The following KCNAB1 variants were observed in gnomAD, a reference collection of about 807,000 sequenced individuals.
KCNAB1 encodes the protein potassium voltage-gated channel subfamily A regulatory beta subunit 1, also known as voltage-gated potassium channel subunit beta-1.
KCNAB1 carries 35 observed loss-of-function variants against 64.6 expected under a neutral mutation model. The ratio of observed to expected loss-of-function variants is 0.54; its 90% confidence interval spans 0.41 to 0.72. The LOEUF is 0.72. Ranked by LOEUF, KCNAB1 falls within the 30% of genes least tolerant of loss-of-function variation. KCNAB1 has a pLI of 0.00. For synonymous variants in KCNAB1, 177 were observed against 183.8 expected (o/e 0.96, Z 0.30); for missense variants, 401 against 512.9 (o/e 0.78, Z 2.11).
intron 2 of KCNAB1, among the ~76,000 whole-genome samples, chr3:156,426,838 T>G (rs1715857159): frequency 6.6e-6 from 1 of 152,212 alleles, no homozygotes; most frequent in South Asian, 2.1e-4. Flanking sequence ...ATACTACATT[T>G]TGGAAAAAAA....
chr3:156,492,976 T>C (rs546952625), intron 8 of KCNAB1, among the ~76,000 whole-genome samples: 2 of 152,286 alleles, frequency 1.3e-5, no homozygotes, highest in South Asian at 4.1e-4. Context: ...ATTGACTCTT[T>C]AAATACTGTG....
chr3:156,340,634 G>A (rs13323310), intron 1 of KCNAB1, among the ~76,000 whole-genome samples: 16,768 of 152,212 alleles, frequency 0.11, 2,938 homozygotes, highest in African/African-American at 0.37. Flanking sequence ...CAGATGGTCT[G>A]TCTTTCCTGC....
intron 8 of KCNAB1, among the ~76,000 whole-genome samples, chr3:156,488,961 C>T (rs1008773633): frequency 1.3e-5 from 2 of 152,108 alleles, no homozygotes; most frequent in African/African-American, 2.4e-5. Context: ...AGGCCTGAGT[C>T]ACCAAAAGGA....
chr3:156,447,362 G>A (rs552421357), intron 2 of KCNAB1, among the ~76,000 whole-genome samples: 3 of 151,488 alleles, frequency 2.0e-5, no homozygotes, highest in South Asian at 2.1e-4. Context: ...TCTGTTTCAC[G>A]ATGGGAGAAA....
intron 3 of KCNAB1, 50 bp from the exon 4 acceptor site, chr3:156,457,403 G>A (rs1294604964): frequency 1.9e-6 from 3 of 1,612,080 alleles, no homozygotes; most frequent in Non-Finnish European, 2.5e-6. Context: ...GTTGCTTCCA[G>A]GTTTGGAAAG....
At chr3:156,408,615 G>A (rs894910696) in intron 1 of KCNAB1, among the ~76,000 whole-genome samples, 5 of 152,020 alleles carry the variant, frequency 3.3e-5, no homozygotes, top group African/African-American at 9.6e-5. Flanking sequence ...CCCCTTCTCA[G>A]CTAAAAATAC....
intron 1 of KCNAB1, among the ~76,000 whole-genome samples, chr3:156,276,772 T>A (rs574111532): frequency 2.0e-5 from 3 of 152,338 alleles, no homozygotes; most frequent in Middle Eastern, 3.4e-3. Flanking sequence ...TGCTCTGGAT[T>A]GTGCTTTTTA....
rs374392311 is a variant in KCNAB1 at position 156,120,592 on chromosome 3, T to C, written c.-20T>C. 6.2e-7 allele frequency: 1 copy of C among 1,612,944 alleles called. No individual in the cohort carries two copies. The highest frequency in any genetic ancestry group is 1.3e-5 in the African/African-American group (1 of 74,808). On this transcript the variant is annotated 5_prime_UTR_variant, in exon 1 of 14. Coordinates refer to ENST00000490337, the MANE Select transcript of KCNAB1 (RefSeq NM_172160.3). ...ACTTTGATGACAGTGACTTCCAGTC[T>C]TCTCTGAAAGATCTCCACGATGCTG...
chr3:156,282,860 C>G (rs548957790), intron 1 of KCNAB1, among the ~76,000 whole-genome samples: 156 of 151,240 alleles, frequency 1.0e-3, no homozygotes, highest in Middle Eastern at 3.4e-3. Flanking sequence ...CTATGTGTGT[C>G]TCTGCACGTG....
intron 3 of KCNAB1, among the ~76,000 whole-genome samples, chr3:156,453,888 C>T (rs1712197521): frequency 6.6e-6 from 1 of 152,192 alleles, no homozygotes; most frequent in South Asian, 2.1e-4. Context: ...CTCTAATCAG[C>T]AGGATGGTGG....
At chr3:156,507,337 G>T (rs1236244503) in intron 8 of KCNAB1, among the ~76,000 whole-genome samples, 1 of 152,136 alleles carries the variant, frequency 6.6e-6, no homozygotes, top group African/African-American at 2.4e-5. Context: ...AAAGGTTAGT[G>T]ACTGTGATGG....
At chr3:156,524,140 TCTTA>T (rs1170567821) in intron 12 of KCNAB1, 193 bp downstream of exon 12, 6 of 537,144 alleles carry the variant, frequency 1.1e-5, no homozygotes, top group Non-Finnish European at 1.9e-5. Context: ...AGCAAATTTT[TCTTA>T]CTTCTTTCTC....
intron 1 of KCNAB1, among the ~76,000 whole-genome samples, chr3:156,298,189 G>A (rs1242870434): frequency 6.6e-6 from 1 of 152,194 alleles, no homozygotes; most frequent in Non-Finnish European, 1.5e-5. Flanking sequence ...AAAATGGTAG[G>A]AGGGGAGGGA....
At chr3:156,384,122 A>G (rs923363898) in intron 1 of KCNAB1, among the ~76,000 whole-genome samples, 6 of 152,200 alleles carry the variant, frequency 3.9e-5, no homozygotes, top group Non-Finnish European at 5.9e-5. Context: ...AAAATTAGGC[A>G]CTTTTTATTC....
chr3:156,205,091 G>A (rs1007398319), intron 1 of KCNAB1, among the ~76,000 whole-genome samples: 3 of 152,110 alleles, frequency 2.0e-5, no homozygotes, highest in East Asian at 1.9e-4. Context: ...AAAGATAATT[G>A]TAAGAAGACT....
chr3:156,485,323 C>T (rs765741549), intron 8 of KCNAB1, among the ~76,000 whole-genome samples: 2 of 152,096 alleles, frequency 1.3e-5, no homozygotes, highest in Non-Finnish European at 2.9e-5. Flanking sequence ...ATACTCTTCA[C>T]CTACATTTAC....
chr3:156,263,458 C>G (rs931249027), intron 1 of KCNAB1, among the ~76,000 whole-genome samples: 1 of 151,978 alleles, frequency 6.6e-6, no homozygotes, highest in Non-Finnish European at 1.5e-5. Context: ...GTTTAGATTT[C>G]TAACTTAATT....
intron 1 of KCNAB1, among the ~76,000 whole-genome samples, chr3:156,399,160 C>T (rs1251195067): frequency 6.6e-6 from 1 of 152,188 alleles, no homozygotes; most frequent in Non-Finnish European, 1.5e-5. Context: ...TTCATTTTCC[C>T]CTCATCCTAA....
chr3:156,120,650 C>A lies in KCNAB1; in HGVS notation c.39C>A (p.Ile13=). ...GGACAGGGGCAGCGGGGAGTCAGAT[C>A]TCAGAGGAGAACACCAAGTTAAGGA... ...AARTGAAGSQ[I]SEENTKLRRQ... The change falls in exon 1 of 14, where the codon ATC becomes ATA. Residue 13 remains isoleucine, a synonymous_variant. Transcript: ENST00000490337. 1 of 1,614,208 alleles carries A rather than the reference C, an allele frequency of 6.2e-7. No individual in the cohort carries two copies. The highest frequency in any genetic ancestry group is 8.5e-7 in the Non-Finnish European group (1 of 1,180,040).
Sources: gnomAD v4.1 joint callset for allele counts (sites outside exome capture counted in the v4.1 genomes callset) on GRCh38, gnomAD v4.1.1 for gene constraint, MANE v1.5 for transcripts, NCBI Gene and HGNC (gene_info 2026-07-23, HGNC 2026-07-21) for gene names.